Variants in CCDC117 observed in about 807,000 individuals in gnomAD.
The protein encoded by CCDC117 is coiled-coil domain containing 117.
Under a neutral mutation model 23.5 loss-of-function variants are expected in CCDC117, and 1 was observed. The ratio of observed to expected loss-of-function variants is 0.04; its 90% CI spans 0.02 to 0.20. The LOEUF (loss-of-function observed/expected upper bound fraction) is 0.20, where lower values mean the gene tolerates loss of function less well. CCDC117 is among the 10% of genes least tolerant of loss of function. CCDC117 has a pLI of 1.00. For synonymous variants in CCDC117, 132 were observed against 124.8 expected (o/e 1.06, Z -0.39); for missense variants, 383 against 348.2 (o/e 1.10, Z -0.80).
chr22:28,775,759 C>A (rs950721782), intron 2 of CCDC117, among the ~76,000 whole-genome samples: 1 of 151,608 alleles, frequency 6.6e-6, no homozygotes, highest in Non-Finnish European at 1.5e-5. Flanking sequence ...TAGCCAGGTG[C>A]GGTGGCAGGT....
chr22:28,779,552 A>G (rs745687250), intron 2 of CCDC117, among the ~76,000 whole-genome samples: 9 of 152,188 alleles, frequency 5.9e-5, no homozygotes, highest in Non-Finnish European at 8.8e-5. Flanking sequence ...CAGAAATGTT[A>G]GATATAGCTG....
At chr22:28,783,902 G>A (rs1016083845) in intron 4 of CCDC117, among the ~76,000 whole-genome samples, 3 of 152,106 alleles carry the variant, frequency 2.0e-5, no homozygotes, top group African/African-American at 7.2e-5. Flanking sequence ...TCTGCTATTT[G>A]GAAATGAGAT....
At position 28,788,893 on chromosome 22, in the gene CCDC117, C is replaced by G. The variant is rs1312060984; in HGVS notation, c.*2567C>G. On this transcript the variant is annotated 3_prime_UTR_variant, in exon 5 of 5. Coordinates refer to ENST00000249064, the MANE Select transcript of CCDC117 (RefSeq NM_173510.4). ...CTAATGTGTGAAGAGAAAAAATTCT[C>G]TAAAGCAGGTGAGCTTTAATGAACA... is the stretch of plus-strand genomic sequence containing the variant. 1 of 151,928 alleles carries G rather than the reference C, an allele frequency of 6.6e-6. No individual in the cohort carries two copies. The highest frequency in any genetic ancestry group is 1.5e-5 in the Non-Finnish European group (1 of 67,990). The allele number at this position is 151,928 out of a possible 1,614,324, so 9.4% of individuals were successfully genotyped here.
chr22:28,776,966 C>T lies in CCDC117; in HGVS notation c.239+3188C>T, dbSNP rs566229367. On this transcript the variant is annotated intron_variant, in intron 2 of 4. Transcript: ENST00000249064. ...AACTCATGACTTCAAGTAATCTGCC[C>T]GCCTTGGCCTTCCAAAGTGCTAGGA... Among the ~76,000 whole-genome samples, 247 of 151,850 alleles carry T rather than the reference C, an allele frequency of 1.6e-3. 2 individuals are homozygous for T. Among genetic ancestry groups the T allele is most frequent in the Admixed American group, 4.9e-3 (75 of 15,252 alleles).
intron 2 of CCDC117, among the ~76,000 whole-genome samples, chr22:28,775,020 T>C (rs2031122173): frequency 6.6e-6 from 1 of 152,062 alleles, no homozygotes; most frequent in Non-Finnish European, 1.5e-5. Context: ...TCCCAGCACT[T>C]TGGGAGGCTG....
Position 28,772,777 on chromosome 22 carries a change from T to C in CCDC117, c.-73T>C, listed in dbSNP as rs2031020397. The C allele has an allele frequency of 4.3e-6, 5 of 1,167,646 alleles. No individual in the cohort carries two copies. The African/African-American group carries it at 8.0e-5, about 19-fold the overall frequency. The allele number at this position is 1,167,646 out of a possible 1,614,324, so 72.3% of individuals were successfully genotyped here. A position where few individuals can be genotyped will look rare whatever the true frequency, so the allele number is the denominator to read the frequency against. On this transcript the variant is annotated 5_prime_UTR_variant, in exon 1 of 5. Transcript: ENST00000249064. ...GAGGCTGGCGGGTTTTGGCAGTAGC[T>C]GTGGCTGCGGCTGCCGGGCCTGGGG...
rs2031563966 is a variant in CCDC117, at chr22:28,787,862, G to A, written c.*1536G>A. 2 of 152,386 alleles carry A rather than the reference G, an allele frequency of 1.3e-5. No homozygotes were observed. Among genetic ancestry groups the A allele is most frequent in the Non-Finnish European group, 2.9e-5 (2 of 68,014 alleles). The allele number at this position is 152,386 out of a possible 1,614,324, so 9.4% of individuals were successfully genotyped here. A position where few individuals can be genotyped will look rare whatever the true frequency, so the allele number is the denominator to read the frequency against. ...GTTTCTTCCCCCTTTGTAGGAATCA[G>A]ATACCTTTTGTAGAAAAAAATGGCT... On this transcript the variant is annotated 3_prime_UTR_variant, in exon 5 of 5. Transcript: ENST00000249064.
intron 4 of CCDC117, among the ~76,000 whole-genome samples, chr22:28,784,360 C>T (rs922638216): frequency 2.0e-5 from 3 of 152,168 alleles, no homozygotes; most frequent in East Asian, 1.9e-4. Context: ...TCCTGTAGTC[C>T]GTGAAGCCTC....
intron 2 of CCDC117, among the ~76,000 whole-genome samples, chr22:28,777,523 T>G (rs1344552358): frequency 6.6e-6 from 1 of 151,616 alleles, no homozygotes; most frequent in African/African-American, 2.4e-5. Context: ...TTTTCTTTTT[T>G]TTTTTGAGAT....
chr22:28,783,756 G>C, intron 4 of CCDC117, 111 bp downstream of exon 4: 2 of 995,822 alleles, frequency 2.0e-6, no homozygotes, highest in Non-Finnish European at 3.0e-6. Flanking sequence ...TGATCCCCAG[G>C]CAATTGGAGA....
intron 2 of CCDC117, among the ~76,000 whole-genome samples, chr22:28,777,817 A>G (rs1320959255): frequency 6.7e-6 from 1 of 149,846 alleles, no homozygotes; most frequent in Non-Finnish European, 1.5e-5. Flanking sequence ...GTTTATGCAA[A>G]TTTTCTATTG....
rs1372472101 is a variant in CCDC117, at chr22:28,773,889, A to G, written c.239+111A>G. ...AAACATTAGATGAGTGTCTCTGGAA[A>G]GAGACACAGAAATTAGTGACATTGG... On this transcript the variant is annotated intron_variant, in intron 2 of 4. Coordinates refer to ENST00000249064, the MANE Select transcript of CCDC117 (RefSeq NM_173510.4). 4.8e-6 allele frequency: 4 copies of G among 832,372 alleles called. No individual in the cohort carries two copies. In the Admixed American group the frequency reaches 6.4e-5, roughly 13 times the overall value. 51.6% of individuals were successfully genotyped at this position (832,372 alleles called of 1,614,324 possible).
At chr22:28,783,308 T>C (rs953128961) in intron 3 of CCDC117, among the ~76,000 whole-genome samples, 200 bp from the exon 4 acceptor site, 1 of 152,174 alleles carries the variant, frequency 6.6e-6, no homozygotes, top group Admixed American at 6.5e-5. Context: ...CCCAAAGTGC[T>C]GGGATTACAG....
chr22:28,776,919 C>A (rs1183350308), intron 2 of CCDC117, among the ~76,000 whole-genome samples: 1 of 151,652 alleles, frequency 6.6e-6, no homozygotes, highest in Non-Finnish European at 1.5e-5. Flanking sequence ...ATGGTTGTGC[C>A]ATGTTGGCCA....
intron 2 of CCDC117, among the ~76,000 whole-genome samples, chr22:28,777,005 C>T (rs1316728932): frequency 6.6e-6 from 1 of 150,544 alleles, no homozygotes; most frequent in African/African-American, 2.4e-5. Flanking sequence ...CAGGCGTGAG[C>T]TACTGTGCCT....
chr22:28,778,472 G>A (rs2031232658), intron 2 of CCDC117, among the ~76,000 whole-genome samples: 1 of 152,084 alleles, frequency 6.6e-6, no homozygotes, highest in Non-Finnish European at 1.5e-5. Context: ...GCCGGGCGTG[G>A]TGGTGCGCAC....
rs2031578210 is a variant in CCDC117, at chr22:28,788,356, A to T, written c.*2030A>T. On this transcript the variant is annotated 3_prime_UTR_variant, in exon 5 of 5. Transcript: ENST00000249064. Reference sequence around the variant, plus strand: ...ACAAAAACATGAAGTGACTGCCCAGAGGTAGAGTTAGTGTTTAGGTGGAAA... The same window carrying T: ...ACAAAAACATGAAGTGACTGCCCAGTGGTAGAGTTAGTGTTTAGGTGGAAA... 1.3e-5 allele frequency: 2 copies of T among 152,660 alleles called. No homozygotes were observed. The highest frequency in any genetic ancestry group is 4.8e-5 in the African/African-American group (2 of 41,464). The allele number at this position is 152,660 out of a possible 1,614,324, so 9.5% of individuals were successfully genotyped here. A position where few individuals can be genotyped will look rare whatever the true frequency, so the allele number is the denominator to read the frequency against.
chr22:28,781,172 G>A lies in CCDC117; in HGVS notation c.464G>A (p.Arg155Lys), dbSNP rs1306135779. Residue 155 changes from arginine (R) to lysine (K), a missense_variant and splice_region_variant, in exon 3 of 5, where the codon AGG (arginine) becomes AAG (lysine). Transcript: ENST00000249064. ...ARRKLQEIED[R>K]IIDEDEEVEA... ...AGGAAGCTTCAGGAGATTGAGGACAGGTAAATGGGCAGTGTATATAGCTGG... is the reference window on the plus strand; with the variant it reads ...AGGAAGCTTCAGGAGATTGAGGACAAGTAAATGGGCAGTGTATATAGCTGG... The A allele has an allele frequency of 1.3e-6, 2 of 1,597,324 alleles. No individual in the cohort carries two copies. The highest frequency in any genetic ancestry group is 2.7e-5 in the African/African-American group (2 of 74,544).
In CCDC117 at chr22:28,780,942, T is replaced by A; in HGVS notation, c.240-6T>A. Reference sequence around the variant, plus strand: ...ATTTTCATTGAATTTTTTTTCTTTTTTTCAGTTGTCCAGTAAGAAAGAAAA... The same window carrying A: ...ATTTTCATTGAATTTTTTTTCTTTTATTCAGTTGTCCAGTAAGAAAGAAAA... On this transcript the variant is annotated splice_polypyrimidine_tract_variant and splice_region_variant and intron_variant, in intron 2 of 4. Coordinates refer to ENST00000249064, the MANE Select transcript of CCDC117 (RefSeq NM_173510.4). 1 of 1,596,004 alleles carries A rather than the reference T, an allele frequency of 6.3e-7. No individual in the cohort carries two copies. The highest frequency in any genetic ancestry group is 8.6e-7 in the Non-Finnish European group (1 of 1,168,668).
Sources: gnomAD v4.1 joint callset for allele counts (sites outside exome capture counted in the v4.1 genomes callset) on GRCh38, gnomAD v4.1.1 for gene constraint, MANE v1.5 for transcripts, NCBI Gene and HGNC (gene_info 2026-07-23, HGNC 2026-07-21) for gene names.